The following CNBD1 variants were observed in gnomAD, a reference collection of about 807,000 sequenced individuals.
CNBD1 encodes the protein cyclic nucleotide binding domain containing 1, also known as cyclic nucleotide-binding domain-containing protein 1.
A neutral mutation model predicts 54.4 loss-of-function variants in CNBD1; 71 were observed. The ratio of observed to expected loss-of-function variants is 1.30; its 90% CI spans 1.08 to 1.59. CNBD1 has a LOEUF of 1.59. CNBD1 is among the 40% of genes most tolerant of loss of function. The pLI is 0.00. For synonymous variants in CNBD1, 182 were observed against 170.7 expected (o/e 1.07, Z -0.51); for missense variants, 659 against 518.0 (o/e 1.27, Z -2.64).
At chr8:87,332,927 A>G (rs992856533) in intron 8 of CNBD1, among the ~76,000 whole-genome samples, 3 of 152,066 alleles carry the variant, frequency 2.0e-5, no homozygotes, top group African/African-American at 7.2e-5. Flanking sequence ...TGGTAGTTTG[A>G]TGGGAATAAT....
chr8:87,305,735 A>G (rs1343774803), intron 8 of CNBD1, among the ~76,000 whole-genome samples: 2 of 152,158 alleles, frequency 1.3e-5, no homozygotes, highest in Non-Finnish European at 2.9e-5. Context: ...CTCATCTCTC[A>G]CCTTATACAC....
Position 87,337,992 on chromosome 8 carries a change from G to GA in CNBD1, c.1043-13692dup, listed in dbSNP as rs1277082429. On this transcript the variant is annotated intron_variant, in intron 8 of 10. Coordinates refer to ENST00000518476, the MANE Select transcript of CNBD1 (RefSeq NM_173538.3). Reference sequence around the variant, plus strand: ...TATTTTTGTCTTCTATATTGTCTTTGACTTTCCTAATTTTATTATTTTATA... The same window carrying GA: ...TATTTTTGTCTTCTATATTGTCTTTGAACTTTCCTAATTTTATTATTTTATA... Among the ~76,000 whole-genome samples, 4 of 151,988 alleles carry GA rather than the reference G, an allele frequency of 2.6e-5. No homozygotes were observed. In the East Asian group the frequency reaches 7.7e-4, roughly 29 times the overall value.
At chr8:87,067,457 TTTTTCC>T (rs1345963861) in intron 4 of CNBD1, among the ~76,000 whole-genome samples, 1 of 151,994 alleles carries the variant, frequency 6.6e-6, no homozygotes, top group African/African-American at 2.4e-5. Flanking sequence ...AAGTATAACA[TTTTTCC>T]TTTGATTTTT....
intron 6 of CNBD1, among the ~76,000 whole-genome samples, chr8:87,241,437 AT>A (rs368012323): frequency 6.6e-6 from 1 of 151,292 alleles, no homozygotes; most frequent in Non-Finnish European, 1.5e-5. Flanking sequence ...CGCCTGGCTA[AT>A]TTTTTTTGTA....
intron 8 of CNBD1, among the ~76,000 whole-genome samples, chr8:87,320,614 G>A (rs1249785731): frequency 1.5e-5 from 2 of 130,602 alleles, no homozygotes; most frequent in African/African-American, 6.7e-5. Flanking sequence ...GTGCACGTGT[G>A]TGTGTGGGGG....
chr8:86,872,836 G>A (rs1485765469), intron 1 of CNBD1, among the ~76,000 whole-genome samples: 2 of 152,034 alleles, frequency 1.3e-5, no homozygotes, highest in African/African-American at 4.8e-5. Flanking sequence ...CTTATCATAG[G>A]TATAATTTGC....
At chr8:86,948,142 T>G (rs1415242256) in intron 4 of CNBD1, among the ~76,000 whole-genome samples, 1 of 152,152 alleles carries the variant, frequency 6.6e-6, no homozygotes, top group Non-Finnish European at 1.5e-5. Context: ...GTACCACATT[T>G]TCTTTATCCA....
At position 87,340,307 on chromosome 8, in the gene CNBD1, C is replaced by T. The variant is rs988952966; in HGVS notation, c.1043-11378C>T. ...TTTTTCTTGCTGCTTTCAAAATTAA[C>T]TCTGTCTTTGACTTTTGACAATTTG... On this transcript the variant is annotated intron_variant, in intron 8 of 10. Transcript: ENST00000518476. Among the ~76,000 whole-genome samples, 3 of 152,180 alleles carry T rather than the reference C, an allele frequency of 2.0e-5. 1 individual carries two copies. The highest frequency in any genetic ancestry group is 7.2e-5 in the African/African-American group (3 of 41,432).
intron 4 of CNBD1, among the ~76,000 whole-genome samples, chr8:86,976,304 C>T (rs972511765): frequency 1.3e-5 from 2 of 149,430 alleles, no homozygotes; most frequent in Non-Finnish European, 3.0e-5. Context: ...AATCACTATC[C>T]AGACCAATGT....
intron 6 of CNBD1, among the ~76,000 whole-genome samples, chr8:87,251,270 G>T (rs1322092680): frequency 6.6e-6 from 1 of 152,080 alleles, no homozygotes; most frequent in Non-Finnish European, 1.5e-5. Context: ...ATGACTGTTA[G>T]TAATACAACA....
intron 8 of CNBD1, among the ~76,000 whole-genome samples, chr8:87,299,651 G>A (rs759698746): frequency 4.6e-5 from 7 of 152,166 alleles, no homozygotes; most frequent in Non-Finnish European, 4.4e-5. Context: ...ACCAGAATGA[G>A]GGCTGAAAAC....
At chr8:87,103,588 G>A (rs1811474800) in intron 4 of CNBD1, among the ~76,000 whole-genome samples, 1 of 152,168 alleles carries the variant, frequency 6.6e-6, no homozygotes, top group South Asian at 2.1e-4. Flanking sequence ...CAGCAGCAAG[G>A]AAAAGTGCAG....
intron 2 of CNBD1, among the ~76,000 whole-genome samples, chr8:87,420,662 C>A (rs569192458): frequency 6.6e-6 from 1 of 151,992 alleles, no homozygotes. Context: ...TGCTATTATG[C>A]TTTTGCTATT....
At chr8:87,271,699 G>T (rs1043884938) in intron 6 of CNBD1, among the ~76,000 whole-genome samples, 8 of 151,918 alleles carry the variant, frequency 5.3e-5, no homozygotes, top group Admixed American at 3.9e-4. Context: ...CAGTATAGAG[G>T]TTCCTCAGAT....
At chr8:87,044,863 T>C (rs532360871) in intron 4 of CNBD1, among the ~76,000 whole-genome samples, 8 of 152,280 alleles carry the variant, frequency 5.3e-5, no homozygotes, top group African/African-American at 1.9e-4. Flanking sequence ...CTGGCCTACT[T>C]ATCTGTACAG....
chr8:87,425,886 G>A (rs1260142035), intron 2 of CNBD1, among the ~76,000 whole-genome samples: 2 of 152,152 alleles, frequency 1.3e-5, no homozygotes, highest in East Asian at 3.9e-4. Context: ...ACCTAATCAA[G>A]CCTGGGCAAT....
At chr8:87,077,413 T>TTC (rs1014435422) in intron 4 of CNBD1, among the ~76,000 whole-genome samples, 29 of 70,436 alleles carry the variant, frequency 4.1e-4, no homozygotes, top group Non-Finnish European at 5.3e-4. Flanking sequence ...CTTCTTCTTC[T>TTC]TTTTTTTTTT....
chr8:87,257,725 T>C (rs1808051026), intron 6 of CNBD1, among the ~76,000 whole-genome samples: 1 of 152,150 alleles, frequency 6.6e-6, no homozygotes, highest in Non-Finnish European at 1.5e-5. Flanking sequence ...ATAGCACTGA[T>C]AACTAAGGGG....
chr8:87,257,651 G>C lies in CNBD1; in HGVS notation c.771+20539G>C, dbSNP rs528378273. 3.3e-5 allele frequency among the ~76,000 whole-genome samples: 5 copies of C among 152,168 alleles called. No homozygotes were observed. The East Asian group carries it at 9.7e-4, about 29-fold the overall frequency. ...CAAGGCAGCCATCCTGGTTCTCCGT[G>C]AGTCCATGCTTAACATTGGATTTAT... is the stretch of plus-strand genomic sequence containing the variant. On this transcript the variant is annotated intron_variant, in intron 6 of 10. Coordinates refer to ENST00000518476, the MANE Select transcript of CNBD1 (RefSeq NM_173538.3).
Sources: gnomAD v4.1 joint callset for allele counts (sites outside exome capture counted in the v4.1 genomes callset) on GRCh38, gnomAD v4.1.1 for gene constraint, MANE v1.5 for transcripts, NCBI Gene and HGNC (gene_info 2026-07-23, HGNC 2026-07-21) for gene names.